HDAC4: variants seen among roughly 807,000 people sequenced by gnomAD.
HDAC4 encodes histone deacetylase 4, also known as histone deacetylase A.
HDAC4 carries 16 observed loss-of-function variants against 135.1 expected under a neutral mutation model. The ratio of observed to expected loss-of-function variants is 0.12; its 90% confidence interval spans 0.08 to 0.18. The LOEUF is 0.18. Ranked by LOEUF, HDAC4 falls within the 10% of genes least tolerant of loss-of-function variation. The pLI is 1.00. For synonymous variants in HDAC4, 685 were observed against 653.4 expected (o/e 1.05, Z -0.74); for missense variants, 1,143 against 1,511.8 (o/e 0.76, Z 4.05).
At chr2:239,097,326 G>A (rs1199189167) in intron 16 of HDAC4, among the ~76,000 whole-genome samples, 2 of 152,196 alleles carry the variant, frequency 1.3e-5, no homozygotes, top group East Asian at 1.9e-4. Context: ...TGGCCCTCAC[G>A]CCCACTGAGG....
At chr2:239,287,495 T>C (rs1482728700) in intron 2 of HDAC4, among the ~76,000 whole-genome samples, 1 of 152,080 alleles carries the variant, frequency 6.6e-6, no homozygotes, top group Admixed American at 6.5e-5. Flanking sequence ...GGGATGGAAA[T>C]GAAAATGCTA....
intron 7 of HDAC4, among the ~76,000 whole-genome samples, chr2:239,150,952 C>T (rs188137761): frequency 6.6e-6 from 1 of 152,254 alleles, no homozygotes. Context: ...CTACATTACA[C>T]CTTTACATAC....
chr2:239,092,022 G>A (rs1309352982), intron 17 of HDAC4: 1 of 152,226 alleles, frequency 6.6e-6, no homozygotes, highest in African/African-American at 2.4e-5. Flanking sequence ...AGTGAGCCGA[G>A]ATCGCGCCAC....
chr2:239,242,548 T>C (rs750613156), intron 2 of HDAC4, among the ~76,000 whole-genome samples: 1 of 152,372 alleles, frequency 6.6e-6, no homozygotes, highest in East Asian at 1.9e-4. Context: ...TTTCTGTAGT[T>C]ATCGTGTATT....
At chr2:239,089,023 A>C (rs563795033) in intron 18 of HDAC4, among the ~76,000 whole-genome samples, 57 of 151,946 alleles carry the variant, frequency 3.8e-4, no homozygotes, top group African/African-American at 1.4e-3. Context: ...AGAAGGGCTA[A>C]TGGTTCAGTT....
At chr2:239,348,942 G>A (rs1692917035) in intron 2 of HDAC4, among the ~76,000 whole-genome samples, 1 of 152,250 alleles carries the variant, frequency 6.6e-6, no homozygotes, top group Admixed American at 6.5e-5. Flanking sequence ...TCACCCAGCA[G>A]CAGAGGACTT....
rs141107415 is a variant in HDAC4 at position 239,132,749 on chromosome 2, C to T, written c.1294+1496G>A. Among the ~76,000 whole-genome samples, 229 of 152,322 alleles carry T rather than the reference C, an allele frequency of 1.5e-3. 2 individuals carry two copies. The highest frequency in any genetic ancestry group is 5.3e-3 in the African/African-American group (222 of 41,558). On this transcript the variant is annotated intron_variant, in intron 11 of 26. Transcript: ENST00000543185. The stretch of plus-strand genomic sequence containing the variant: ...CACAAGATTACGCATGCTATTTAAT[C>T]GTGCAGAATAAACTGATTTAGAGAA...
intron 21 of HDAC4, 75 bp from the exon 22 acceptor site, chr2:239,081,267 T>A: frequency 7.7e-7 from 1 of 1,290,586 alleles, no homozygotes; most frequent in Non-Finnish European, 1.1e-6. Context: ...CTGATGCAGG[T>A]GGCACCGGGA....
rs2044202060 is a variant in HDAC4, at chr2:239,182,285, T to C, written c.340-5722A>G. ...ATGGCGAGCCCCTCCCCTCTGGCTG[T>C]CACCTGCACAGGGCCCCTTGGCTCC... On this transcript the variant is annotated intron_variant, in intron 4 of 26. Transcript: ENST00000543185. 2.0e-5 allele frequency among the ~76,000 whole-genome samples: 3 copies of C among 152,320 alleles called. No homozygotes were observed. The South Asian group carries it at 6.2e-4, about 32-fold the overall frequency.
chr2:239,182,782 C>T (rs1402724799), intron 4 of HDAC4, among the ~76,000 whole-genome samples: 2 of 152,166 alleles, frequency 1.3e-5, no homozygotes, highest in Non-Finnish European at 2.9e-5. Context: ...CCTCTGCCCT[C>T]GGCATGCTCG....
intron 2 of HDAC4, among the ~76,000 whole-genome samples, chr2:239,287,903 A>G (rs1203641113): frequency 1.3e-5 from 2 of 152,234 alleles, no homozygotes; most frequent in Non-Finnish European, 2.9e-5. Flanking sequence ...TCCATATGAC[A>G]GGAATTAAAA....
At chr2:239,253,257 G>A (rs2048884502) in intron 2 of HDAC4, among the ~76,000 whole-genome samples, 2 of 152,140 alleles carry the variant, frequency 1.3e-5, no homozygotes, top group Admixed American at 1.3e-4. Flanking sequence ...AAACAAAGAT[G>A]CAGCTTTCGT....
intron 4 of HDAC4, among the ~76,000 whole-genome samples, chr2:239,178,727 AAGAGGGGACGGTG>A (rs1225694403): frequency 6.6e-6 from 1 of 152,080 alleles, no homozygotes; most frequent in Non-Finnish European, 1.5e-5. Context: ...CTTATGGAGG[AAGAGGGGACGGTG>A]AGAGGGTACG....
chr2:239,120,383 GCACACACAGACGCACACAGACA>G (rs2039541573), intron 12 of HDAC4, among the ~76,000 whole-genome samples: 1 of 26,194 alleles, frequency 3.8e-5, no homozygotes, highest in Non-Finnish European at 6.5e-5. Flanking sequence ...ACCCGCAGAG[GCACACACAGACGCACACAGACA>G]CACACACACA....
chr2:239,078,029 C>T (rs2034936553), intron 22 of HDAC4, among the ~76,000 whole-genome samples: 4 of 152,192 alleles, frequency 2.6e-5, no homozygotes, highest in African/African-American at 4.8e-5. Flanking sequence ...ATCTAAGCTA[C>T]GAACCACGGG....
At chr2:239,106,336 G>T (rs1161270091) in intron 15 of HDAC4, among the ~76,000 whole-genome samples, 2 of 152,164 alleles carry the variant, frequency 1.3e-5, no homozygotes, top group African/African-American at 4.8e-5. Flanking sequence ...CCTGGGGGTG[G>T]GGGCACATGT....
intron 2 of HDAC4, among the ~76,000 whole-genome samples, chr2:239,325,794 A>C (rs924613785): frequency 3.3e-5 from 5 of 151,822 alleles, no homozygotes; most frequent in African/African-American, 1.2e-4. Flanking sequence ...GCAAAACCCC[A>C]TCTCTACTAA....
At chr2:239,231,048 G>A (rs950815422) in intron 3 of HDAC4, among the ~76,000 whole-genome samples, 6 of 152,196 alleles carry the variant, frequency 3.9e-5, no homozygotes, top group African/African-American at 1.2e-4. Context: ...GAAGCCAAAC[G>A]TGAATTTTGC....
At chr2:239,168,549 A>G (rs2043250917) in intron 5 of HDAC4, among the ~76,000 whole-genome samples, 1 of 152,234 alleles carries the variant, frequency 6.6e-6, no homozygotes, top group Admixed American at 6.5e-5. Context: ...TAGATACTCA[A>G]TAAGAAATTC....
Sources: allele counts gnomAD v4.1 joint callset (sites outside exome capture counted in the v4.1 genomes callset), GRCh38; gene constraint gnomAD v4.1.1; transcripts MANE v1.5; gene names NCBI Gene and HGNC (gene_info 2026-07-23, HGNC 2026-07-21).